HLCS: variants seen among roughly 807,000 people sequenced by gnomAD.
HLCS encodes the protein biotin--protein ligase.
In HLCS, 53 loss-of-function variants were observed where a neutral mutation model predicts 75.0. The observed-to-expected ratio is 0.71, with a 90% CI of 0.57 to 0.89. The LOEUF (loss-of-function observed/expected upper bound fraction) is 0.89. HLCS is among the 40% of genes least tolerant of loss of function. The pLI is 0.00. For missense variants in HLCS, 966 were observed against 1,074.0 expected, an observed-to-expected ratio of 0.90 and a Z score of 1.41; for synonymous variants, 431 against 428.6, an observed-to-expected ratio of 1.01 and a Z score of -0.07.
intron 5 of HLCS, among the ~76,000 whole-genome samples, chr21:36,913,088 C>T (rs538133444): frequency 1.3e-5 from 2 of 152,234 alleles, no homozygotes; most frequent in South Asian, 4.2e-4. Flanking sequence ...CAGTCCTTTC[C>T]AGGCGACACC....
intron 6 of HLCS, among the ~76,000 whole-genome samples, chr21:36,843,598 T>C (rs2062693091): frequency 6.6e-6 from 1 of 152,224 alleles, no homozygotes; most frequent in Admixed American, 6.5e-5. Context: ...GCATACATCA[T>C]ATCCTACTAA....
chr21:36,933,314 A>C (rs1223857558), intron 4 of HLCS, among the ~76,000 whole-genome samples: 1 of 151,922 alleles, frequency 6.6e-6, no homozygotes, highest in African/African-American at 2.4e-5. Flanking sequence ...AAACCCTCTA[A>C]AGAATCCATA....
chr21:36,772,399 G>A (rs1329201753), intron 6 of HLCS, among the ~76,000 whole-genome samples: 2 of 152,128 alleles, frequency 1.3e-5, no homozygotes, highest in African/African-American at 4.8e-5. Flanking sequence ...CACTTTGGGA[G>A]GCTGAGGTGG....
chr21:36,965,605 C>A (rs2068525424), intron 1 of HLCS, among the ~76,000 whole-genome samples: 1 of 152,146 alleles, frequency 6.6e-6, no homozygotes, highest in African/African-American at 2.4e-5. Context: ...GACCATCAGT[C>A]GGGTGCCCAA....
At chr21:36,815,965 T>C (rs1316481161) in intron 6 of HLCS, among the ~76,000 whole-genome samples, 7 of 152,190 alleles carry the variant, frequency 4.6e-5, no homozygotes, top group Admixed American at 4.6e-4. Context: ...ATTGATTACA[T>C]GGAATAGGAT....
chr21:36,872,917 G>A (rs1383651989), intron 6 of HLCS, among the ~76,000 whole-genome samples: 1 of 151,972 alleles, frequency 6.6e-6, no homozygotes, highest in Non-Finnish European at 1.5e-5. Flanking sequence ...TTTCAAAATG[G>A]TCGTATCATT....
intron 5 of HLCS, among the ~76,000 whole-genome samples, chr21:36,916,165 T>C (rs2065918376): frequency 6.6e-6 from 1 of 152,116 alleles, no homozygotes; most frequent in Non-Finnish European, 1.5e-5. Flanking sequence ...TGGAAGTGAC[T>C]AGATCTAAGG....
At chr21:36,902,046 GGAGAGGGCT>G (rs1408740475) in intron 5 of HLCS, among the ~76,000 whole-genome samples, 2 of 152,186 alleles carry the variant, frequency 1.3e-5, no homozygotes, top group Non-Finnish European at 2.9e-5. Flanking sequence ...AGTGCCGTGG[GGAGAGGGCT>G]GAGAAGTCAC....
At chr21:36,771,021 C>T (rs1472543489) in intron 6 of HLCS, among the ~76,000 whole-genome samples, 1 of 151,920 alleles carries the variant, frequency 6.6e-6, no homozygotes, top group African/African-American at 2.4e-5. Flanking sequence ...AGATCAAGAC[C>T]ATCCTGGCTA....
intron 5 of HLCS, among the ~76,000 whole-genome samples, chr21:36,899,436 C>A (rs1446762906): frequency 1.3e-5 from 2 of 152,022 alleles, no homozygotes; most frequent in East Asian, 3.9e-4. Context: ...CTAACCTGGG[C>A]AACATGGTGA....
chr21:36,938,091 T>G (rs2066976501), intron 3 of HLCS, among the ~76,000 whole-genome samples: 1 of 152,196 alleles, frequency 6.6e-6, no homozygotes, highest in South Asian at 2.1e-4. Context: ...AAGAACAGTT[T>G]GTGTGTTTCC....
intron 6 of HLCS, among the ~76,000 whole-genome samples, chr21:36,774,135 A>G (rs2060288333): frequency 6.6e-6 from 1 of 152,174 alleles, no homozygotes; most frequent in African/African-American, 2.4e-5. Flanking sequence ...ATGGGGACAC[A>G]GTCAGGGGCA....
chr21:36,786,671 A>G (rs1036613339), intron 6 of HLCS, among the ~76,000 whole-genome samples: 1 of 152,226 alleles, frequency 6.6e-6, no homozygotes, highest in African/African-American at 2.4e-5. Context: ...TTCCTAAAAA[A>G]TCTGGAGAGG....
chr21:36,868,817 T>A (rs1448665228), intron 6 of HLCS, among the ~76,000 whole-genome samples: 1 of 152,148 alleles, frequency 6.6e-6, no homozygotes, highest in Non-Finnish European at 1.5e-5. Context: ...TGTCCCCATC[T>A]CAGGGTCTCC....
At chr21:36,923,131 C>A (rs1338417117) in intron 5 of HLCS, among the ~76,000 whole-genome samples, 1 of 152,208 alleles carries the variant, frequency 6.6e-6, no homozygotes, top group African/African-American at 2.4e-5. Context: ...TAACCCGGCA[C>A]CAGTATGGGC....
intron 2 of HLCS, among the ~76,000 whole-genome samples, chr21:36,959,520 G>A (rs912774136): frequency 3.3e-5 from 5 of 152,350 alleles, no homozygotes; most frequent in Admixed American, 2.0e-4. Context: ...CTGCCTTCAA[G>A]CCAAGACCAG....
At chr21:36,925,944 A>C (rs2066387640) in intron 5 of HLCS, among the ~76,000 whole-genome samples, 1 of 152,368 alleles carries the variant, frequency 6.6e-6, no homozygotes, top group Non-Finnish European at 1.5e-5. Flanking sequence ...CTGTAAGGGA[A>C]AGGATTATGT....
chr21:36,789,013 A>C (rs1039955469), intron 6 of HLCS, among the ~76,000 whole-genome samples: 1 of 152,208 alleles, frequency 6.6e-6, no homozygotes, highest in African/African-American at 2.4e-5. Flanking sequence ...TCCTATGGCC[A>C]TAACAGCCAC....
intron 2 of HLCS, among the ~76,000 whole-genome samples, chr21:36,956,934 T>C (rs764917927): frequency 1.3e-5 from 2 of 151,408 alleles, no homozygotes; most frequent in Admixed American, 6.6e-5. Flanking sequence ...GTGCCTGTAA[T>C]TCCAGCTACT....
Sources: allele counts gnomAD v4.1 joint callset (sites outside exome capture counted in the v4.1 genomes callset), GRCh38; gene constraint gnomAD v4.1.1; transcripts MANE v1.5; gene names NCBI Gene and HGNC (gene_info 2026-07-23, HGNC 2026-07-21).